CDK14: variants seen among roughly 807,000 people sequenced by gnomAD.
CDK14 encodes cyclin dependent kinase 14, also known as cyclin-dependent kinase 14.
CDK14 carries 34 observed loss-of-function variants against 60.7 expected under a neutral mutation model. The observed-to-expected ratio is 0.56, with a 90% CI of 0.43 to 0.75. The LOEUF is 0.75. Ranked by LOEUF, CDK14 falls within the 30% of genes least tolerant of loss-of-function variation. The probability of loss-of-function intolerance (pLI) is 0.00; values close to 1 mark genes in which losing one functional copy is unlikely to be tolerated. For missense variants in CDK14, 482 were observed against 564.1 expected (o/e 0.85, Z 1.47); for synonymous variants, 197 against 203.7 (o/e 0.97, Z 0.28).
chr7:90,980,231 A>G (rs926430440), intron 9 of CDK14, among the ~76,000 whole-genome samples: 20 of 152,228 alleles, frequency 1.3e-4, no homozygotes, highest in Middle Eastern at 3.4e-3. Flanking sequence ...CTAAAATAAG[A>G]GTTTGAGCAT....
intron 2 of CDK14, among the ~76,000 whole-genome samples, chr7:90,614,884 T>C (rs1181493382): frequency 6.6e-6 from 1 of 152,174 alleles, no homozygotes; most frequent in African/African-American, 2.4e-5. Context: ...ACCTGGGTGT[T>C]CCACGAGCAT....
chr7:90,851,784 T>A (rs1272862105), intron 5 of CDK14, among the ~76,000 whole-genome samples: 2 of 152,034 alleles, frequency 1.3e-5, no homozygotes, highest in South Asian at 2.1e-4. Flanking sequence ...GTTTTTTTTT[T>A]AATTATTATG....
chr7:90,808,363 C>T (rs886791662), intron 5 of CDK14, among the ~76,000 whole-genome samples: 4 of 152,130 alleles, frequency 2.6e-5, no homozygotes, highest in South Asian at 2.1e-4. Flanking sequence ...TCCAGACAAA[C>T]TAAGCTTCAT....
intron 2 of CDK14, among the ~76,000 whole-genome samples, chr7:90,631,730 C>T (rs1460699104): frequency 6.6e-6 from 1 of 152,090 alleles, no homozygotes; most frequent in Non-Finnish European, 1.5e-5. Flanking sequence ...TACGAGGTTT[C>T]GCAGCAGAAA....
chr7:91,117,703 T>C (rs1165359632), intron 13 of CDK14, among the ~76,000 whole-genome samples: 1 of 152,244 alleles, frequency 6.6e-6, no homozygotes, highest in Non-Finnish European at 1.5e-5. Flanking sequence ...ATTTATTTAG[T>C]ACAGGATTCT....
At chr7:90,931,992 G>GA (rs1793606757) in intron 8 of CDK14, among the ~76,000 whole-genome samples, 1 of 152,146 alleles carries the variant, frequency 6.6e-6, no homozygotes, top group South Asian at 2.1e-4. Context: ...TTACAAGACG[G>GA]AAAAATTAGG....
chr7:90,739,385 C>T (rs1422095120), intron 3 of CDK14, among the ~76,000 whole-genome samples: 1 of 152,110 alleles, frequency 6.6e-6, no homozygotes, highest in South Asian at 2.1e-4. Context: ...CTAAATCTTT[C>T]TTGTGAATGA....
chr7:91,054,997 T>C (rs959077296), intron 11 of CDK14, among the ~76,000 whole-genome samples: 2 of 152,166 alleles, frequency 1.3e-5, no homozygotes, highest in Admixed American at 1.3e-4. Context: ...ACGGACTCAT[T>C]TCAGAGCTGG....
intron 7 of CDK14, among the ~76,000 whole-genome samples, chr7:90,915,529 C>T (rs1414921166): frequency 1.3e-5 from 2 of 152,188 alleles, no homozygotes; most frequent in Admixed American, 6.5e-5. Context: ...TGCCTGAGCC[C>T]CTCAGTTGGA....
intron 6 of CDK14, among the ~76,000 whole-genome samples, chr7:90,886,562 T>C (rs1051581075): frequency 5.9e-5 from 9 of 152,200 alleles, no homozygotes; most frequent in Non-Finnish European, 1.3e-4. Context: ...CCTTGAAATA[T>C]TTTTAAAGTA....
chr7:91,097,508 A>G (rs1799028517), intron 12 of CDK14, among the ~76,000 whole-genome samples: 1 of 152,142 alleles, frequency 6.6e-6, no homozygotes, highest in Non-Finnish European at 1.5e-5. Flanking sequence ...TTATATCTAG[A>G]TTACACACTA....
chr7:91,013,656 GTTTTTTTTT>G (rs56934476), intron 10 of CDK14, among the ~76,000 whole-genome samples: 45 of 123,386 alleles, frequency 3.6e-4, no homozygotes, highest in African/African-American at 1.3e-3. Flanking sequence ...CATTGCCTCT[GTTTTTTTTT>G]TTTTTTTTTT....
At chr7:91,055,696 T>G (rs1457135158) in intron 11 of CDK14, among the ~76,000 whole-genome samples, 1 of 152,206 alleles carries the variant, frequency 6.6e-6, no homozygotes, top group African/African-American at 2.4e-5. Flanking sequence ...CCAACCCACC[T>G]AAGAGTATTA....
At chr7:91,108,264 A>AC (rs1408002537) in intron 12 of CDK14, among the ~76,000 whole-genome samples, 1 of 152,176 alleles carries the variant, frequency 6.6e-6, no homozygotes, top group Non-Finnish European at 1.5e-5. Flanking sequence ...CCAAGGTCAT[A>AC]CCACTGCACT....
intron 14 of CDK14, among the ~76,000 whole-genome samples, chr7:91,183,957 G>A (rs1407073064): frequency 2.0e-5 from 3 of 152,164 alleles, no homozygotes; most frequent in African/African-American, 7.2e-5. Flanking sequence ...CACTTTGGGA[G>A]GCCAAGGCAG....
At chr7:91,002,781 A>C (rs1357602669) in intron 10 of CDK14, among the ~76,000 whole-genome samples, 6 of 152,290 alleles carry the variant, frequency 3.9e-5, no homozygotes, top group East Asian at 1.9e-4. Flanking sequence ...TTTAATAAGA[A>C]TATCAGATGT....
intron 2 of CDK14, among the ~76,000 whole-genome samples, chr7:90,703,058 G>GT (rs1161392104): frequency 2.0e-5 from 3 of 151,268 alleles, no homozygotes; most frequent in African/African-American, 7.3e-5. Context: ...AGAAACTTAG[G>GT]TAAGTTTTTG....
intron 8 of CDK14, among the ~76,000 whole-genome samples, chr7:90,921,004 T>C (rs1793233598): frequency 6.6e-6 from 1 of 152,194 alleles, no homozygotes; most frequent in African/African-American, 2.4e-5. Flanking sequence ...CTATATGCAT[T>C]TTGAATAAGT....
intron 6 of CDK14, among the ~76,000 whole-genome samples, chr7:90,877,257 C>T (rs4728942): frequency 0.97 from 147,781 of 152,346 alleles, 71,693 homozygotes; most frequent in East Asian, 1. Context: ...TTTTCATTGC[C>T]GTGTATTATT....
Sources: gnomAD v4.1 joint callset for allele counts (sites outside exome capture counted in the v4.1 genomes callset) on GRCh38, gnomAD v4.1.1 for gene constraint, MANE v1.5 for transcripts, NCBI Gene and HGNC (gene_info 2026-07-23, HGNC 2026-07-21) for gene names.